The following RIMS2 variants were observed in gnomAD, a reference collection of about 807,000 sequenced individuals.
The protein encoded by RIMS2 is regulating synaptic membrane exocytosis 2.
RIMS2 carries 59 observed loss-of-function variants against 174.4 expected under a neutral mutation model. The observed-to-expected ratio is 0.34, with a 90% confidence interval of 0.27 to 0.42. RIMS2 has a LOEUF of 0.42. RIMS2 is among the 10% of genes least tolerant of loss of function. The probability of loss-of-function intolerance (pLI) is 1.00; values close to 1 mark genes in which losing one functional copy is unlikely to be tolerated. For missense variants in RIMS2, 1,620 were observed against 1,666.3 expected, an observed-to-expected ratio of 0.97 and a Z score of 0.48; for synonymous variants, 606 against 572.5, an observed-to-expected ratio of 1.06 and a Z score of -0.84.
chr8:103,645,475 G>A (rs796691939), intron 1 of RIMS2, among the ~76,000 whole-genome samples: 1 of 152,198 alleles, frequency 6.6e-6, no homozygotes, highest in African/African-American at 2.4e-5. Flanking sequence ...GATCTAAAGA[G>A]AATTTAATTT....
At chr8:103,901,567 A>G (rs1216172964) in intron 4 of RIMS2, among the ~76,000 whole-genome samples, 3 of 152,132 alleles carry the variant, frequency 2.0e-5, no homozygotes, top group Non-Finnish European at 2.9e-5. Context: ...TTACTTGTCT[A>G]TCTTTCTAGA....
chr8:103,553,855 GAT>G lies in RIMS2; in HGVS notation c.176+52795_176+52796del, dbSNP rs546633202. Among the ~76,000 whole-genome samples the G allele has an allele frequency of 7.3e-5, 5 of 68,682 alleles. No individual in the cohort carries two copies. In the South Asian group the frequency reaches 2.7e-3, roughly 37 times the overall value. The allele number at this position is 68,682 out of a possible 152,430, so 45.1% of individuals were successfully genotyped here. A position where few individuals can be genotyped will look rare whatever the true frequency, so the allele number is the denominator to read the frequency against. On this transcript the variant is annotated intron_variant, in intron 1 of 23. Transcript: ENST00000504942. ...CATGGTACTGGTACAAAAACAGACA[GAT>G]AGACCAATGGAACAGAATAGAGAGC...
intron 19 of RIMS2, among the ~76,000 whole-genome samples, chr8:104,145,442 A>T (rs917387509): frequency 2.4e-4 from 37 of 151,998 alleles, no homozygotes; most frequent in Admixed American, 1.8e-3. Flanking sequence ...CATAATTACA[A>T]ATTCTTTACT....
At chr8:104,177,766 C>T (rs1267921929) in intron 19 of RIMS2, among the ~76,000 whole-genome samples, 1 of 152,110 alleles carries the variant, frequency 6.6e-6, no homozygotes, top group Non-Finnish European at 1.5e-5. Context: ...TGTAGGCCAC[C>T]TGAGGACAGA....
At chr8:103,977,692 G>T (rs2093568137) in intron 16 of RIMS2, among the ~76,000 whole-genome samples, 1 of 152,140 alleles carries the variant, frequency 6.6e-6, no homozygotes, top group South Asian at 2.1e-4. Flanking sequence ...TATTTCAAAT[G>T]CCAATTGCAA....
intron 2 of RIMS2, among the ~76,000 whole-genome samples, chr8:103,708,422 C>G (rs535515044): frequency 6.6e-6 from 1 of 152,200 alleles, no homozygotes; most frequent in South Asian, 2.1e-4. Flanking sequence ...CAGTGCTGTT[C>G]TTTTCATCCT....
intron 2 of RIMS2, among the ~76,000 whole-genome samples, chr8:103,758,689 C>A (rs1329856687): frequency 6.6e-6 from 1 of 152,020 alleles, no homozygotes; most frequent in Non-Finnish European, 1.5e-5. Flanking sequence ...TTTATTTATT[C>A]ATTTATAAGT....
At chr8:104,145,871 G>C (rs117526636) in intron 19 of RIMS2, among the ~76,000 whole-genome samples, 2,234 of 151,016 alleles carry the variant, frequency 0.015, 64 homozygotes, top group Admixed American at 0.061. Flanking sequence ...CAAAAAAAAA[G>C]AAAAATGGTA....
At chr8:103,912,135 G>T in exon 6 of RIMS2, 2 of 1,607,910 alleles carry the variant, frequency 1.2e-6, no homozygotes, top group South Asian at 2.2e-5. Flanking sequence ...AAAGATGGAA[G>T]TGTACCTCGA....
intron 19 of RIMS2, among the ~76,000 whole-genome samples, chr8:104,114,567 C>T (rs12335031): frequency 0.24 from 35,680 of 151,764 alleles, 4,504 homozygotes; most frequent in African/African-American, 0.33. Context: ...ATTAATCTTT[C>T]CATTGTATTA....
At chr8:104,049,369 G>A (rs2096747321) in intron 19 of RIMS2, among the ~76,000 whole-genome samples, 1 of 152,128 alleles carries the variant, frequency 6.6e-6, no homozygotes, top group Non-Finnish European at 1.5e-5. Context: ...AGCTTGCAGT[G>A]AGCCGAGATC....
At chr8:104,156,987 A>G (rs1467923441) in intron 19 of RIMS2, among the ~76,000 whole-genome samples, 3 of 152,218 alleles carry the variant, frequency 2.0e-5, no homozygotes, top group African/African-American at 7.2e-5. Flanking sequence ...ACAAATCTCA[A>G]ACTAACCCTA....
rs1461868967 is a variant in RIMS2 at position 103,573,698 on chromosome 8, C to CT, written c.176+72642dup. ...TATGATTGCTTTGGCTATTTAGGCT[C>CT]TTTTTTGGATCCATATGAATTTTAG... On this transcript the variant is annotated intron_variant, in intron 1 of 23. Transcript: ENST00000504942. 2.0e-5 allele frequency among the ~76,000 whole-genome samples: 3 copies of CT among 152,064 alleles called. No individual in the cohort carries two copies. In the East Asian group the frequency reaches 5.8e-4, roughly 29 times the overall value.
intron 19 of RIMS2, among the ~76,000 whole-genome samples, chr8:104,224,774 C>G (rs1025866166): frequency 2.0e-5 from 3 of 152,042 alleles, no homozygotes; most frequent in South Asian, 4.2e-4. Context: ...TATTTTTTTT[C>G]TGCTTTTTTT....
intron 3 of RIMS2, among the ~76,000 whole-genome samples, chr8:103,864,607 G>A (rs890369562): frequency 6.6e-6 from 1 of 152,076 alleles, no homozygotes; most frequent in Non-Finnish European, 1.5e-5. Context: ...CCTGACACAT[G>A]GTAAAAAAAT....
intron 1 of RIMS2, among the ~76,000 whole-genome samples, chr8:103,508,507 G>T (rs2130995716): frequency 6.6e-6 from 1 of 151,544 alleles, no homozygotes; most frequent in South Asian, 2.1e-4. Flanking sequence ...CAAGAAGTTT[G>T]CTTGAAGTGG....
At chr8:104,100,914 ATATAT>A (rs1439590509) in intron 19 of RIMS2, among the ~76,000 whole-genome samples, 12 of 134,578 alleles carry the variant, frequency 8.9e-5, no homozygotes, top group Middle Eastern at 3.8e-3. Context: ...ATTATATGTA[ATATAT>A]TATATATGTG....
At chr8:103,571,517 T>C (rs951650595) in intron 1 of RIMS2, among the ~76,000 whole-genome samples, 1 of 150,544 alleles carries the variant, frequency 6.6e-6, no homozygotes, top group African/African-American at 2.4e-5. Context: ...GAAAACCTAA[T>C]TGTTTGACAC....
chr8:103,618,108 C>T (rs764044891), intron 1 of RIMS2, among the ~76,000 whole-genome samples: 1 of 152,032 alleles, frequency 6.6e-6, no homozygotes, highest in South Asian at 2.1e-4. Context: ...CAGTGACAGA[C>T]TAGATAAAGA....
Sources: allele counts gnomAD v4.1 joint callset (sites outside exome capture counted in the v4.1 genomes callset), GRCh38; gene constraint gnomAD v4.1.1; transcripts MANE v1.5; gene names NCBI Gene and HGNC (gene_info 2026-07-23, HGNC 2026-07-21).